SHISAL2B: variants seen among roughly 807,000 people sequenced by gnomAD.
SHISAL2B encodes protein shisa-like-2B.
SHISAL2B carries 12 observed loss-of-function variants against 16.5 expected under a neutral mutation model. The observed-to-expected ratio is 0.73, with a 90% CI of 0.47 to 1.18. The LOEUF (loss-of-function observed/expected upper bound fraction) is 1.18. SHISAL2B is among the 50% of genes most tolerant of loss of function. The pLI is 0.00. For synonymous variants in SHISAL2B, 72 were observed against 75.0 expected (o/e 0.96, Z 0.21); for missense variants, 183 against 193.6 (o/e 0.95, Z 0.33).
At chr5:64,692,126 G>T (rs1170973610) in intron 1 of SHISAL2B, among the ~76,000 whole-genome samples, 2 of 152,178 alleles carry the variant, frequency 1.3e-5, no homozygotes, top group Admixed American at 6.5e-5. Context: ...ACATGGGGAA[G>T]AAATCTATAT....
At chr5:64,702,623 G>T (rs1411870478) in intron 2 of SHISAL2B, among the ~76,000 whole-genome samples, 1 of 151,636 alleles carries the variant, frequency 6.6e-6, no homozygotes, top group East Asian at 1.9e-4. Context: ...ATATAATATA[G>T]TTACCTATAT....
intron 2 of SHISAL2B, among the ~76,000 whole-genome samples, chr5:64,708,497 T>G (rs958215581): frequency 3.3e-5 from 5 of 152,106 alleles, no homozygotes; most frequent in African/African-American, 1.2e-4. Context: ...TCCTGAATAA[T>G]AAGCCCTAAT....
chr5:64,713,087 G>A (rs1160636006), intron 2 of SHISAL2B, among the ~76,000 whole-genome samples: 1 of 146,086 alleles, frequency 6.8e-6, no homozygotes, highest in East Asian at 2.0e-4. Context: ...TCATTATGAT[G>A]TTAGCTGGTG....
intron 2 of SHISAL2B, among the ~76,000 whole-genome samples, chr5:64,699,811 G>T (rs1741783970): frequency 6.6e-6 from 1 of 152,054 alleles, no homozygotes; most frequent in South Asian, 2.1e-4. Flanking sequence ...AGACTATTTT[G>T]CCAAGATTTT....
At chr5:64,707,891 A>T (rs1303333957) in intron 2 of SHISAL2B, among the ~76,000 whole-genome samples, 2 of 152,268 alleles carry the variant, frequency 1.3e-5, no homozygotes, top group Admixed American at 6.5e-5. Context: ...GAGTCCTGAA[A>T]GTTTTTTCCT....
chr5:64,701,215 A>G (rs542539066), intron 2 of SHISAL2B, among the ~76,000 whole-genome samples: 5 of 152,250 alleles, frequency 3.3e-5, no homozygotes, highest in South Asian at 2.1e-4. Flanking sequence ...TTTTTGATCC[A>G]TGGTTGGTTG....
intron 2 of SHISAL2B, among the ~76,000 whole-genome samples, chr5:64,706,166 C>G (rs942749348): frequency 6.6e-6 from 1 of 152,176 alleles, no homozygotes. Context: ...CTTAAACACA[C>G]AAACAAAATG....
chr5:64,691,181 A>C, intron 1 of SHISAL2B: 1 of 239,672 alleles, frequency 4.2e-6, no homozygotes, highest in Non-Finnish European at 8.0e-6. Context: ...CTACTGGTGG[A>C]GCGCGAGGAC....
intron 2 of SHISAL2B, among the ~76,000 whole-genome samples, chr5:64,715,836 A>G (rs746194233): frequency 9.9e-5 from 15 of 152,240 alleles, no homozygotes; most frequent in Non-Finnish European, 2.1e-4. Context: ...TATCTCAGGC[A>G]TGATATTTAG....
chr5:64,717,174 AAAG>A (rs1406815056), intron 2 of SHISAL2B, among the ~76,000 whole-genome samples: 7 of 152,332 alleles, frequency 4.6e-5, no homozygotes, highest in South Asian at 4.1e-4. Flanking sequence ...CTAAGAAATC[AAAG>A]AAGATGAGAA....
At chr5:64,705,433 T>C (rs1044259212) in intron 2 of SHISAL2B, among the ~76,000 whole-genome samples, 17 of 152,140 alleles carry the variant, frequency 1.1e-4, no homozygotes, top group Non-Finnish European at 2.4e-4. Context: ...TGAATTTAAG[T>C]ATGTAAAAAG....
At chr5:64,705,639 TAAAC>T (rs888298312) in intron 2 of SHISAL2B, among the ~76,000 whole-genome samples, 1 of 152,226 alleles carries the variant, frequency 6.6e-6, no homozygotes, top group Non-Finnish European at 1.5e-5. Context: ...AAAATAATAT[TAAAC>T]AAGTGAAAAA....
intron 2 of SHISAL2B, among the ~76,000 whole-genome samples, chr5:64,699,250 C>A (rs1741776986): frequency 6.6e-6 from 1 of 152,206 alleles, no homozygotes; most frequent in South Asian, 2.1e-4. Flanking sequence ...TGACTTCCTG[C>A]TGCTTTCAAA....
At chr5:64,694,845 C>T (rs1741709847) in intron 1 of SHISAL2B, among the ~76,000 whole-genome samples, 1 of 152,162 alleles carries the variant, frequency 6.6e-6, no homozygotes, top group African/African-American at 2.4e-5. Context: ...TTGGTGAACC[C>T]AATCTTTCCT....
intron 2 of SHISAL2B, among the ~76,000 whole-genome samples, chr5:64,700,066 TTAAAAGAA>T: frequency 6.6e-6 from 1 of 152,208 alleles, no homozygotes. Context: ...ATGCCAATGT[TTAAAAGAA>T]TACCATTGCT....
intron 2 of SHISAL2B, among the ~76,000 whole-genome samples, chr5:64,709,720 G>T (rs1741929276): frequency 6.7e-6 from 1 of 150,054 alleles, no homozygotes; most frequent in Admixed American, 6.6e-5. Flanking sequence ...ACTTTTTAAT[G>T]ATTGCCATTC....
At chr5:64,709,154 A>G (rs989028056) in intron 2 of SHISAL2B, among the ~76,000 whole-genome samples, 2 of 144,966 alleles carry the variant, frequency 1.4e-5, no homozygotes, top group African/African-American at 5.3e-5. Context: ...GTCATCTAGC[A>G]TTAGGTATAT....
At chr5:64,713,144 T>C (rs1197029700) in intron 2 of SHISAL2B, among the ~76,000 whole-genome samples, 2 of 143,896 alleles carry the variant, frequency 1.4e-5, no homozygotes, top group African/African-American at 5.3e-5. Flanking sequence ...TCGATGGTCT[T>C]TACATTTTGG....
chr5:64,705,691 T>C (rs1487302783), intron 2 of SHISAL2B, among the ~76,000 whole-genome samples: 1 of 152,206 alleles, frequency 6.6e-6, no homozygotes, highest in Non-Finnish European at 1.5e-5. Context: ...TCAAATATTA[T>C]ATAATGTGAA....
Sources: gnomAD v4.1 joint callset for allele counts (sites outside exome capture counted in the v4.1 genomes callset) on GRCh38, gnomAD v4.1.1 for gene constraint, MANE v1.5 for transcripts, NCBI Gene and HGNC (gene_info 2026-07-23, HGNC 2026-07-21) for gene names.